SEMA3D: variants seen among roughly 807,000 people sequenced by gnomAD.
SEMA3D encodes semaphorin-3D.
In SEMA3D, 84 loss-of-function variants were observed where a neutral mutation model predicts 100.1. That is an observed-to-expected ratio of 0.84 (90% CI 0.70 to 1.01). The LOEUF (loss-of-function observed/expected upper bound fraction) is 1.01, where lower values mean the gene tolerates loss of function less well. SEMA3D is among the 50% of genes least tolerant of loss of function. SEMA3D has a pLI of 0.00. For missense variants in SEMA3D, 875 were observed against 934.1 expected (o/e 0.94, Z 0.82); for synonymous variants, 312 against 320.7 (o/e 0.97, Z 0.29).
At chr7:85,127,965 G>A (rs1025186503) in intron 2 of SEMA3D, among the ~76,000 whole-genome samples, 20 of 151,244 alleles carry the variant, frequency 1.3e-4, no homozygotes, top group African/African-American at 3.9e-4. Context: ...AACATAAATC[G>A]GTTGTTTTTT....
At chr7:85,097,018 G>A (rs1326855309) in intron 4 of SEMA3D, among the ~76,000 whole-genome samples, 5 of 151,724 alleles carry the variant, frequency 3.3e-5, no homozygotes, top group African/African-American at 9.7e-5. Flanking sequence ...CAAAGATGCA[G>A]AAGAGATCTG....
intron 1 of SEMA3D, among the ~76,000 whole-genome samples, chr7:85,179,925 T>G (rs886954940): frequency 3.3e-5 from 5 of 152,210 alleles, no homozygotes; most frequent in African/African-American, 1.2e-4. Flanking sequence ...CCTCCCAAAG[T>G]GCTGGGATTA....
At chr7:85,154,499 T>C (rs1412157697) in intron 1 of SEMA3D, among the ~76,000 whole-genome samples, 3 of 152,128 alleles carry the variant, frequency 2.0e-5, no homozygotes, top group Non-Finnish European at 4.4e-5. Flanking sequence ...TGTCTGTTAC[T>C]TTCTCTTTCT....
intron 5 of SEMA3D, among the ~76,000 whole-genome samples, chr7:85,078,929 C>T (rs977374795): frequency 6.6e-6 from 1 of 152,108 alleles, no homozygotes; most frequent in African/African-American, 2.4e-5. Context: ...GTTTTCTGTC[C>T]GCCAAAATCT....
At chr7:85,100,030 G>C (rs757131243) in intron 3 of SEMA3D, among the ~76,000 whole-genome samples, 1 of 151,852 alleles carries the variant, frequency 6.6e-6, no homozygotes, top group African/African-American at 2.4e-5. Context: ...CCTGTGTTTG[G>C]AGAATTGAAG....
At chr7:85,250,183 G>A in the SEMA3D span, among the ~76,000 whole-genome samples, 26 of 149,878 alleles carry the variant, frequency 1.7e-4, no homozygotes, top group Admixed American at 9.5e-4. Context: ...GGCGCACCAC[G>A]AGATTATAAC....
intron 2 of SEMA3D, chr7:85,142,810 G>T (rs1181488193): frequency 4.1e-6 from 4 of 984,540 alleles, no homozygotes; most frequent in Non-Finnish European, 4.8e-6. Flanking sequence ...TCTCTCTTCG[G>T]CTGGGTGATG....
chr7:85,076,380 C>T (rs1056676995), intron 5 of SEMA3D, among the ~76,000 whole-genome samples: 3 of 152,022 alleles, frequency 2.0e-5, no homozygotes, highest in African/African-American at 7.2e-5. Flanking sequence ...ATATAAATAA[C>T]TAAATAGACA....
chr7:85,043,338 G>A (rs1021640486), intron 9 of SEMA3D, among the ~76,000 whole-genome samples: 3 of 151,974 alleles, frequency 2.0e-5, no homozygotes, highest in Admixed American at 6.6e-5. Flanking sequence ...AGCCTGGGTG[G>A]CAGAGCAAAA....
intron 1 of SEMA3D, among the ~76,000 whole-genome samples, chr7:85,161,686 G>A (rs1790749566): frequency 6.6e-6 from 1 of 152,072 alleles, no homozygotes; most frequent in Admixed American, 6.6e-5. Context: ...TATGTTGCAT[G>A]TACATATAGG....
intron 9 of SEMA3D, among the ~76,000 whole-genome samples, chr7:85,053,980 T>C (rs2116067983): frequency 6.6e-6 from 1 of 152,042 alleles, no homozygotes; most frequent in South Asian, 2.1e-4. Context: ...CAATTTTCTC[T>C]GCCTTTCCAG....
At chr7:85,079,868 T>C (rs1337725860) in intron 5 of SEMA3D, among the ~76,000 whole-genome samples, 1 of 152,206 alleles carries the variant, frequency 6.6e-6, no homozygotes. Flanking sequence ...AAGCATTTCA[T>C]TCTCTGTGAG....
intron 4 of SEMA3D, among the ~76,000 whole-genome samples, chr7:85,097,224 G>C (rs1788586958): frequency 6.6e-6 from 1 of 151,818 alleles, no homozygotes; most frequent in Non-Finnish European, 1.5e-5. Flanking sequence ...TAAAGTACTA[G>C]TGTATGTTTC....
At chr7:85,203,354 T>C in the SEMA3D span, among the ~76,000 whole-genome samples, 1 of 152,204 alleles carries the variant, frequency 6.6e-6, no homozygotes, top group South Asian at 2.1e-4. Context: ...TAACTAGAAT[T>C]GAAGTTTTTC....
chr7:84,998,793 TG>T lies in SEMA3D; in HGVS notation c.*646del, dbSNP rs1321928404. On this transcript the variant is annotated 3_prime_UTR_variant, in exon 19 of 19. Transcript: ENST00000284136. ...CTTCTCTCTGTGAACCTGTTACTCC[TG>T]ACTAGTCAATAGAAATCCTGGGGGA... 6.6e-6 allele frequency: 1 copy of T among 152,620 alleles called. No individual in the cohort carries two copies. The highest frequency in any genetic ancestry group is 1.5e-5 in the Non-Finnish European group (1 of 68,392). 9.5% of individuals were successfully genotyped at this position (152,620 alleles called of 1,614,324 possible).
At chr7:85,083,641 G>A (rs1788127034) in intron 4 of SEMA3D, among the ~76,000 whole-genome samples, 1 of 150,674 alleles carries the variant, frequency 6.6e-6, no homozygotes. Context: ...TCAGGAGATC[G>A]AGACCATCCT....
chr7:85,136,093 T>A (rs142275067), intron 2 of SEMA3D, among the ~76,000 whole-genome samples: 51 of 152,194 alleles, frequency 3.4e-4, no homozygotes, highest in Non-Finnish European at 6.3e-4. Flanking sequence ...AGGAAAAATG[T>A]AGAGATGTAG....
intron 3 of SEMA3D, among the ~76,000 whole-genome samples, chr7:85,116,945 T>A (rs1789261112): frequency 6.6e-6 from 1 of 152,152 alleles, no homozygotes; most frequent in Non-Finnish European, 1.5e-5. Flanking sequence ...TACAGTGATA[T>A]ACACAATACC....
At chr7:85,103,400 G>A (rs1432911569) in intron 3 of SEMA3D, among the ~76,000 whole-genome samples, 1 of 151,996 alleles carries the variant, frequency 6.6e-6, no homozygotes, top group Non-Finnish European at 1.5e-5. Context: ...TGCGATTTTT[G>A]AGATTGTCCA....
Sources: allele counts gnomAD v4.1 joint callset (sites outside exome capture counted in the v4.1 genomes callset), GRCh38; gene constraint gnomAD v4.1.1; transcripts MANE v1.5; gene names NCBI Gene and HGNC (gene_info 2026-07-23, HGNC 2026-07-21).